The following ADCY7 variants were observed in gnomAD, a reference collection of about 807,000 sequenced individuals.
ADCY7 encodes the protein adenylate cyclase type 7.
A neutral mutation model predicts 120.6 loss-of-function variants in ADCY7; 72 were observed. The observed-to-expected ratio is 0.60, with a 90% CI of 0.49 to 0.73. The LOEUF (loss-of-function observed/expected upper bound fraction) is 0.73. Among genes scored for constraint, ADCY7 ranks in the 30% least tolerant of loss-of-function variants. The probability of loss-of-function intolerance (pLI) is 0.00; values close to 1 mark genes in which losing one functional copy is unlikely to be tolerated. For synonymous variants in ADCY7, 661 were observed against 628.0 expected (o/e 1.05, Z -0.78); for missense variants, 1,227 against 1,486.0 (o/e 0.83, Z 2.87).
rs1345622615 is a variant in ADCY7 at position 50,316,085 on chromosome 16, C to G, written c.*580C>G. ...CACAATTAACACTGTTACTTTTTGC[C>G]TTGTCTGGCATGTTTGTTTTAAATG... On this transcript the variant is annotated 3_prime_UTR_variant, in exon 26 of 26. Transcript: ENST00000673801. 1 of 152,732 alleles carries G rather than the reference C, an allele frequency of 6.5e-6. No individual in the cohort carries two copies. Among genetic ancestry groups the G allele is most frequent in the Non-Finnish European group, 1.5e-5 (1 of 68,404 alleles). The allele number at this position is 152,732 out of a possible 1,614,324, so 9.5% of individuals were successfully genotyped here. A position where few individuals can be genotyped will look rare whatever the true frequency, so the allele number is the denominator to read the frequency against.
intron 14 of ADCY7, among the ~76,000 whole-genome samples, chr16:50,306,233 G>A (rs2036055364): frequency 6.6e-6 from 1 of 152,216 alleles, no homozygotes; most frequent in Non-Finnish European, 1.5e-5. Flanking sequence ...TGAGCTTTTT[G>A]TACTGATAAC....
At chr16:50,305,355 G>A in intron 12 of ADCY7, 148 bp from the exon 13 acceptor site, 6 of 752,184 alleles carry the variant, frequency 8.0e-6, no homozygotes, top group East Asian at 2.5e-5. Flanking sequence ...GTCCTCACTC[G>A]CCCTCTCTGG....
chr16:50,257,843 G>A (rs956170752), intron 1 of ADCY7, among the ~76,000 whole-genome samples: 7 of 151,614 alleles, frequency 4.6e-5, no homozygotes, highest in Non-Finnish European at 1.0e-4. Context: ...CCCAGGCTCA[G>A]GTGATCCTCC....
intron 17 of ADCY7, chr16:50,309,345 T>C: frequency 1.9e-6 from 1 of 540,048 alleles, no homozygotes; most frequent in African/African-American, 1.9e-5. Flanking sequence ...GTCTGCACCC[T>C]CATCTCCTAG....
At chr16:50,267,728 T>C (rs903031003) in intron 1 of ADCY7, among the ~76,000 whole-genome samples, 2 of 152,180 alleles carry the variant, frequency 1.3e-5, no homozygotes, top group African/African-American at 4.8e-5. Flanking sequence ...AAAAAAAATC[T>C]GTAAATAGGA....
chr16:50,283,334 C>G (rs1324909914), intron 1 of ADCY7, among the ~76,000 whole-genome samples: 1 of 152,190 alleles, frequency 6.6e-6, no homozygotes, highest in East Asian at 1.9e-4. Flanking sequence ...TGTCTTGTGC[C>G]AGTTCTCCAT....
Position 50,310,456 on chromosome 16 carries a change from C to G in ADCY7, c.2161-231C>G, listed in dbSNP as rs368027474. 2.1e-5 allele frequency: 33 copies of G among 1,535,980 alleles called. No homozygotes were observed. The African/African-American group carries it at 3.6e-4, about 17-fold the overall frequency. On this transcript the variant is annotated intron_variant, in intron 18 of 25. Transcript: ENST00000673801. ...ACTGTGGTCTGTTGTATCCACAGCA[C>G]CTGCATACTGTTTTTTCCCGTTTAA...
chr16:50,301,060 G>A, intron 9 of ADCY7, 22 bp from the exon 10 acceptor site: 1 of 1,611,170 alleles, frequency 6.2e-7, no homozygotes, highest in Non-Finnish European at 8.5e-7. Context: ...CCAAGGCTCT[G>A]CCTGACTTGG....
rs114978167 is a variant in ADCY7 at position 50,297,358 on chromosome 16, C to T, written c.949-1546C>T. On this transcript the variant is annotated intron_variant, in intron 7 of 25. Coordinates refer to ENST00000673801, the MANE Select transcript of ADCY7 (RefSeq NM_001114.5). This position sits in a 1 kb window ranked among gnomAD's most constrained non-coding sequence, Gnocchi z 4.4. ...GGGGACTGTCAGCCGGTGGAGCAGC[C>T]GGGGGAATGTGGCCTCTCCTACATC... Among the ~76,000 whole-genome samples, 2,004 of 152,276 alleles carry T rather than the reference C, an allele frequency of 0.013. 51 individuals carry two copies. Among genetic ancestry groups the T allele is most frequent in the African/African-American group, 0.046 (1,906 of 41,546 alleles).
chr16:50,282,495 G>T (rs560635159), intron 1 of ADCY7, among the ~76,000 whole-genome samples: 1 of 152,288 alleles, frequency 6.6e-6, no homozygotes, highest in Non-Finnish European at 1.5e-5. Context: ...CTTCCTGGAG[G>T]AGGAGGCCCT....
In ADCY7 at chr16:50,294,279, C is replaced by T. The variant is rs766733475; in HGVS notation, c.837-361C>T. 7.3e-4 allele frequency among the ~76,000 whole-genome samples: 111 copies of T among 152,272 alleles called. 1 individual carries two copies. The highest frequency in any genetic ancestry group is 6.5e-4 in the Non-Finnish European group (44 of 68,024). ...TTGGCTTGAGGGAGCATGGAGCTGC[C>T]TCTCACCAGGGAGTTCTGAAGTCTG... On this transcript the variant is annotated intron_variant, in intron 6 of 25. Coordinates refer to ENST00000673801, the MANE Select transcript of ADCY7 (RefSeq NM_001114.5).
chr16:50,259,715 C>T (rs1280582508), intron 1 of ADCY7, among the ~76,000 whole-genome samples: 6 of 152,136 alleles, frequency 3.9e-5, no homozygotes, highest in Non-Finnish European at 5.9e-5. Context: ...CGCAGGGTGC[C>T]GGGTTTAATG....
In ADCY7 at chr16:50,309,515, C is replaced by T. The variant is rs1395672207; in HGVS notation, c.2062-33C>T. ...CTTGGGCAGGTTCCAGCGTTCTTGT[C>T]CCTGGACTGATGGGGACCTGTCTCC... On this transcript the variant is annotated intron_variant, in intron 17 of 25. Coordinates refer to ENST00000673801, the MANE Select transcript of ADCY7 (RefSeq NM_001114.5). 7 of 1,593,658 alleles carry T rather than the reference C, an allele frequency of 4.4e-6. No individual in the cohort carries two copies. In the South Asian group the frequency reaches 4.4e-5, roughly 10 times the overall value.
At chr16:50,258,958 C>T (rs1033552743) in intron 1 of ADCY7, among the ~76,000 whole-genome samples, 1 of 152,102 alleles carries the variant, frequency 6.6e-6, no homozygotes, top group Non-Finnish European at 1.5e-5. Flanking sequence ...CAAGTGGTGC[C>T]TAGTTTGGTG....
chr16:50,275,064 C>T (rs1405445396), intron 1 of ADCY7, among the ~76,000 whole-genome samples: 3 of 152,202 alleles, frequency 2.0e-5, no homozygotes, highest in Non-Finnish European at 1.5e-5. Flanking sequence ...CGGGTTGGCA[C>T]TTGGAGCTGT....
In ADCY7 at chr16:50,305,759, A is replaced by T; in HGVS notation, c.1680-18A>T. ...CCCTTCCCAGCCCCCATCTCACCGC[A>T]GCTGCCCCCGCCCACAGGCCCTGCT... On this transcript the variant is annotated intron_variant, in intron 13 of 25. Transcript: ENST00000673801. 6.2e-7 allele frequency: 1 copy of T among 1,613,114 alleles called. No homozygotes were observed. The highest frequency in any genetic ancestry group is 8.5e-7 in the Non-Finnish European group (1 of 1,179,308).
intron 6 of ADCY7, among the ~76,000 whole-genome samples, chr16:50,293,752 C>CAAAACTGT (rs1218854302): frequency 2.0e-5 from 3 of 152,128 alleles, no homozygotes; most frequent in Admixed American, 6.5e-5. Flanking sequence ...AGCACACCCC[C>CAAAACTGT]AAAACTGTAA....
At chr16:50,304,811 C>T (rs1182413390) in intron 11 of ADCY7, 114 bp from the exon 12 acceptor site, 3 of 1,448,282 alleles carry the variant, frequency 2.1e-6, no homozygotes, top group Non-Finnish European at 2.9e-6. Flanking sequence ...TTGGACGACC[C>T]CGACACCTTG....
chr16:50,307,378 C>T (rs1413565501), intron 15 of ADCY7, among the ~76,000 whole-genome samples: 2 of 148,164 alleles, frequency 1.3e-5, no homozygotes, highest in African/African-American at 4.9e-5. Context: ...CTCTCCTCAG[C>T]CACCTGTCAT....
Sources: gnomAD v4.1 joint callset for allele counts (sites outside exome capture counted in the v4.1 genomes callset) on GRCh38, gnomAD v4.1.1 for gene constraint, Gnocchi (gnomAD v3.1) non-coding constraint, MANE v1.5 for transcripts, NCBI Gene and HGNC (gene_info 2026-07-23, HGNC 2026-07-21) for gene names.